The following CEP350 variants were observed in gnomAD, a reference collection of about 807,000 sequenced individuals.
The protein encoded by CEP350 is centrosomal protein 350.
A neutral mutation model predicts 331.8 loss-of-function variants in CEP350; 126 were observed. The observed-to-expected ratio is 0.38, with a 90% CI of 0.33 to 0.44. The LOEUF (loss-of-function observed/expected upper bound fraction) is 0.44, where lower values mean the gene tolerates loss of function less well. CEP350 is among the 20% of genes least tolerant of loss of function. CEP350 has a pLI of 1.00. For missense variants in CEP350, 3,406 were observed against 3,634.6 expected (o/e 0.94, Z 1.62); for synonymous variants, 1,200 against 1,259.5 (o/e 0.95, Z 1.00).
chr1:179,966,482 A>C (rs1651022067), intron 1 of CEP350, among the ~76,000 whole-genome samples: 1 of 152,136 alleles, frequency 6.6e-6, no homozygotes, highest in South Asian at 2.1e-4. Context: ...TCAGAAATTA[A>C]GGATCCCATT....
intron 1 of CEP350, among the ~76,000 whole-genome samples, chr1:179,957,822 G>C (rs944318770): frequency 6.6e-6 from 1 of 152,054 alleles, no homozygotes; most frequent in African/African-American, 2.4e-5. Flanking sequence ...AACAGGTTAC[G>C]GTAATTTAAA....
intron 26 of CEP350, among the ~76,000 whole-genome samples, chr1:180,063,215 C>T (rs113786637): frequency 0.019 from 2,265 of 118,496 alleles, 70 homozygotes; most frequent in African/African-American, 0.065. Flanking sequence ...TTTGGAGACA[C>T]GGTCTCACTC....
At chr1:180,038,507 A>G (rs1656524767) in intron 17 of CEP350, among the ~76,000 whole-genome samples, 1 of 152,220 alleles carries the variant, frequency 6.6e-6, no homozygotes, top group Admixed American at 6.5e-5. Flanking sequence ...CTTGTAATAT[A>G]TAGGAGAATG....
intron 11 of CEP350, among the ~76,000 whole-genome samples, chr1:180,019,740 GA>G (rs922381551): frequency 2.6e-5 from 4 of 152,056 alleles, no homozygotes; most frequent in African/African-American, 9.7e-5. Flanking sequence ...TGTACAAATA[GA>G]AAAATGTTTG....
In CEP350 at chr1:180,014,251, A is replaced by C; in HGVS notation, c.1798A>C (p.Ile600Leu). ...TGACACAGATGAGGTACGACAGTAC[A>C]TTGTTAGGCAGCAGGAGGAAAGGAA... ...HYDTDEVRQY[I>L]VRQQEERKRK... The change falls in exon 10 of 38, where the codon ATT (isoleucine) becomes CTT (leucine). Residue 600 changes from isoleucine (I) to leucine (L), a missense_variant. Physicochemically the swap from Ile to Leu is conservative, Grantham distance 5. This residue lies in a region of CEP350 where 1,857 missense variants were observed against 1,909.2 expected (regional missense o/e 0.97). Coordinates refer to ENST00000367607, the MANE Select transcript of CEP350 (RefSeq NM_014810.5). 6.2e-7 allele frequency: 1 copy of C among 1,609,126 alleles called. No homozygotes were observed. The highest frequency in any genetic ancestry group is 8.5e-7 in the Non-Finnish European group (1 of 1,177,744).
At chr1:179,976,758 A>T (rs974818987) in intron 1 of CEP350, among the ~76,000 whole-genome samples, 2 of 152,060 alleles carry the variant, frequency 1.3e-5, no homozygotes, top group African/African-American at 4.8e-5. Context: ...CTCTAAGTAC[A>T]TGATTTAGAG....
intron 1 of CEP350, among the ~76,000 whole-genome samples, chr1:179,966,392 C>G (rs1651015705): frequency 6.6e-6 from 1 of 152,080 alleles, no homozygotes; most frequent in Admixed American, 6.6e-5. Context: ...AGTAAGATTT[C>G]ATCATTTTTG....
rs1368670480 is a variant in CEP350, at chr1:180,043,163, A to G, written c.4470A>G (p.Lys1490=). Residue 1490 remains lysine, a synonymous_variant, in exon 20 of 38, where the codon AAA becomes AAG. Transcript: ENST00000367607. Reference sequence around the variant, plus strand: ...GGCAGCACCTTCCAGACTTTGTGAAACAGCTGAGGACCAGAACTGAAACAG... The same window carrying G: ...GGCAGCACCTTCCAGACTTTGTGAAGCAGCTGAGGACCAGAACTGAAACAG... ...HQRQHLPDFV[K]QLRTRTETDR... is the part of the protein sequence containing the mutation. 1.4e-5 allele frequency: 23 copies of G among 1,613,524 alleles called. No individual in the cohort carries two copies. Among genetic ancestry groups the G allele is most frequent in the Non-Finnish European group, 1.9e-5 (23 of 1,179,710 alleles).
chr1:180,077,670 G>GGAA (rs1491431199), intron 28 of CEP350, among the ~76,000 whole-genome samples: 1 of 11,156 alleles, frequency 9.0e-5, no homozygotes, highest in Non-Finnish European at 2.6e-4. Context: ...GTCTCAAAAA[G>GGAA]TAAAAAAAAA....
rs948882474 is a variant in CEP350, at chr1:180,112,143, T to A, written c.*982T>A. 1 of 152,684 alleles carries A rather than the reference T, an allele frequency of 6.5e-6. No individual in the cohort carries two copies. The highest frequency in any genetic ancestry group is 1.5e-5 in the Non-Finnish European group (1 of 68,042). The allele number at this position is 152,684 out of a possible 1,614,324, so 9.5% of individuals were successfully genotyped here. On this transcript the variant is annotated 3_prime_UTR_variant, in exon 38 of 38. Coordinates refer to ENST00000367607, the MANE Select transcript of CEP350 (RefSeq NM_014810.5). The stretch of plus-strand genomic sequence containing the variant: ...ATTGTCTATTGTTTGTGTGCTTGTT[T>A]TGCGCTATGGAACATTTTTTAATTT...
Position 179,996,979 on chromosome 1 carries a change from G to A in CEP350, c.822G>A (p.Lys274=). 6.2e-7 allele frequency: 1 copy of A among 1,613,990 alleles called. No individual in the cohort carries two copies. Among genetic ancestry groups the A allele is most frequent in the Non-Finnish European group, 8.5e-7 (1 of 1,179,882 alleles). Residue 274 remains lysine (K), a synonymous_variant, in exon 6 of 38, where the codon AAG becomes AAA. Coordinates refer to ENST00000367607, the MANE Select transcript of CEP350 (RefSeq NM_014810.5). ...ATTCCCAAAGATTAGATATTCTAAA[G>A]CGGCGACAACATGATGTCAAACTGG... The part of the protein sequence containing the change: ...TSNSQRLDIL[K]RRQHDVKLEK...
At position 180,066,505 on chromosome 1, in the gene CEP350, A is replaced by G. The variant is rs993850334; in HGVS notation, c.5567+1233A>G. Among the ~76,000 whole-genome samples the G allele has an allele frequency of 4.6e-5, 7 of 152,218 alleles. No homozygotes were observed. The East Asian group carries it at 1.3e-3, about 29-fold the overall frequency. On this transcript the variant is annotated intron_variant, in intron 27 of 37. Transcript: ENST00000367607. ...TGTTTTGCAACAGTCAAGAGTTGTAAGTTAAATCCTTACTTTCTGTAGGTG... is the reference window on the plus strand; with the variant it reads ...TGTTTTGCAACAGTCAAGAGTTGTAGGTTAAATCCTTACTTTCTGTAGGTG...
intron 15 of CEP350, among the ~76,000 whole-genome samples, chr1:180,032,046 T>A (rs893580238): frequency 6.6e-6 from 1 of 152,136 alleles, no homozygotes; most frequent in African/African-American, 2.4e-5. Flanking sequence ...CTCAGGCAGA[T>A]TTTGAAATCT....
chr1:180,056,945 A>G (rs2148986101), intron 25 of CEP350, among the ~76,000 whole-genome samples: 1 of 152,282 alleles, frequency 6.6e-6, no homozygotes, highest in East Asian at 1.9e-4. Flanking sequence ...CTTTGAGTTC[A>G]TTAGTATGTC....
At chr1:180,048,765 C>A in intron 22 of CEP350, 60 bp downstream of exon 22, 4 of 1,365,064 alleles carry the variant, frequency 2.9e-6, no homozygotes, top group Admixed American at 2.1e-5. Context: ...GAAAGGTGAT[C>A]CTTGTTATAA....
chr1:179,957,087 A>G (rs1240162298), intron 1 of CEP350, among the ~76,000 whole-genome samples: 1 of 152,118 alleles, frequency 6.6e-6, no homozygotes, highest in Non-Finnish European at 1.5e-5. Context: ...TTCTTTATGT[A>G]TATACTTTTT....
At chr1:180,050,235 T>G (rs1657396232) in intron 22 of CEP350, among the ~76,000 whole-genome samples, 1 of 152,210 alleles carries the variant, frequency 6.6e-6, no homozygotes, top group African/African-American at 2.4e-5. Flanking sequence ...TTGTGTTTTA[T>G]CAGAATTTTA....
rs899317055 is a variant in CEP350, at chr1:180,113,471, A to G, written c.*2310A>G. On this transcript the variant is annotated 3_prime_UTR_variant, in exon 38 of 38. Coordinates refer to ENST00000367607, the MANE Select transcript of CEP350 (RefSeq NM_014810.5). ...GCAGTAGCTGTCCTGACAGACTCCA[A>G]CTGTCTTTACTATCTGAAGAATCCT... is the stretch of plus-strand genomic sequence containing the variant. The G allele has an allele frequency of 3.3e-5, 5 of 152,112 alleles. No homozygotes were observed. Among genetic ancestry groups the G allele is most frequent in the Admixed American group, 2.0e-4 (3 of 15,262 alleles). 9.4% of individuals were successfully genotyped at this position (152,112 alleles called of 1,614,324 possible).
At chr1:180,071,060 A>C (rs1329032458) in intron 27 of CEP350, among the ~76,000 whole-genome samples, 1 of 150,686 alleles carries the variant, frequency 6.6e-6, no homozygotes, top group Non-Finnish European at 1.5e-5. Context: ...AGGCAGGAGA[A>C]TCACTTGAAC....
Sources: allele counts gnomAD v4.1 joint callset (sites outside exome capture counted in the v4.1 genomes callset), GRCh38; gene constraint gnomAD v4.1.1; regional missense constraint gnomAD v4.1.1; transcripts MANE v1.5; gene names NCBI Gene and HGNC (gene_info 2026-07-23, HGNC 2026-07-21).